The following SYN3 variants were observed in gnomAD, a reference collection of about 807,000 sequenced individuals.
SYN3 encodes the protein synapsin III.
In SYN3, 35 loss-of-function variants were observed where a neutral mutation model predicts 65.8. That is an observed-to-expected ratio of 0.53 (90% CI 0.41 to 0.70). The LOEUF (loss-of-function observed/expected upper bound fraction) is 0.70. Among genes scored for constraint, SYN3 ranks in the 30% least tolerant of loss-of-function variants. The probability of loss-of-function intolerance (pLI) is 0.00; values close to 1 mark genes in which losing one functional copy is unlikely to be tolerated. For missense variants in SYN3, 680 were observed against 749.0 expected, an observed-to-expected ratio of 0.91 and a Z score of 1.08; for synonymous variants, 270 against 292.9, an observed-to-expected ratio of 0.92 and a Z score of 0.80.
chr22:32,675,028 C>T (rs1418017072), intron 6 of SYN3, among the ~76,000 whole-genome samples: 3 of 152,182 alleles, frequency 2.0e-5, no homozygotes. Context: ...AAAGACTGAA[C>T]AAAGTTCTGT....
chr22:32,881,888 T>C (rs565013953), intron 4 of SYN3, among the ~76,000 whole-genome samples: 2 of 152,062 alleles, frequency 1.3e-5, no homozygotes, highest in Admixed American at 1.3e-4. Context: ...AAACCCCGTC[T>C]CTACTAAAAA....
chr22:32,876,128 G>A (rs2048974810), intron 4 of SYN3, among the ~76,000 whole-genome samples: 1 of 152,118 alleles, frequency 6.6e-6, no homozygotes, highest in Non-Finnish European at 1.5e-5. Context: ...TGGAGGCTGG[G>A]AAGTCCAATA....
At chr22:32,703,535 G>T (rs1295486045) in intron 6 of SYN3, among the ~76,000 whole-genome samples, 4 of 151,990 alleles carry the variant, frequency 2.6e-5, no homozygotes, top group Non-Finnish European at 5.9e-5. Context: ...TACTCGGGAG[G>T]CTGAGGCAGA....
intron 1 of SYN3, among the ~76,000 whole-genome samples, chr22:33,033,898 C>A (rs1001700428): frequency 1.3e-5 from 2 of 152,040 alleles, no homozygotes; most frequent in African/African-American, 2.4e-5. Flanking sequence ...AAAACCATCA[C>A]AATTAGCCAG....
chr22:32,958,601 T>C (rs2051542037), intron 3 of SYN3, among the ~76,000 whole-genome samples: 1 of 152,240 alleles, frequency 6.6e-6, no homozygotes, highest in Non-Finnish European at 1.5e-5. Context: ...TTGTTTTTTG[T>C]TTTTGTTTTA....
At chr22:32,539,377 A>T (rs1033425820) in intron 8 of SYN3, among the ~76,000 whole-genome samples, 2 of 152,156 alleles carry the variant, frequency 1.3e-5, no homozygotes, top group Non-Finnish European at 2.9e-5. Flanking sequence ...GAAGTTATAG[A>T]TTAGCAATCA....
intron 3 of SYN3, among the ~76,000 whole-genome samples, chr22:32,941,593 C>T (rs1206876235): frequency 2.0e-5 from 3 of 150,738 alleles, no homozygotes; most frequent in Admixed American, 6.6e-5. Flanking sequence ...GTGTGTCGGA[C>T]AGTGGGGGCA....
chr22:32,676,503 C>T (rs2060443510), intron 6 of SYN3, among the ~76,000 whole-genome samples: 1 of 150,194 alleles, frequency 6.7e-6, no homozygotes, highest in South Asian at 2.1e-4. Context: ...ATAACAGCTT[C>T]CATTTTCTTT....
chr22:32,672,818 G>A lies in SYN3; in HGVS notation c.712-76082C>T, dbSNP rs902114862. ...CCCCTTGGCCTTGGTCAAGAAGACA[G>A]ACCCAGGCCCCTCCCTGGGAATTCT... On this transcript the variant is annotated intron_variant, in intron 6 of 13. Coordinates refer to ENST00000358763, the MANE Select transcript of SYN3 (RefSeq NM_003490.4). Among the ~76,000 whole-genome samples the A allele has an allele frequency of 1.5e-4, 23 of 152,336 alleles. No individual in the cohort carries two copies. In the East Asian group the frequency reaches 4.3e-3, roughly 28 times the overall value.
chr22:32,522,588 C>T (rs1374828147), intron 12 of SYN3, among the ~76,000 whole-genome samples: 3 of 152,096 alleles, frequency 2.0e-5, no homozygotes, highest in African/African-American at 7.2e-5. Flanking sequence ...GCATTAGTTA[C>T]AAGGATTGTT....
At chr22:32,714,135 GCCAA>G (rs923081832) in intron 6 of SYN3, among the ~76,000 whole-genome samples, 2 of 152,150 alleles carry the variant, frequency 1.3e-5, no homozygotes, top group Non-Finnish European at 2.9e-5. Context: ...TGGAAAAGTG[GCCAA>G]GCCTCAGTTG....
chr22:33,055,575 G>A (rs73393657), intron 1 of SYN3, among the ~76,000 whole-genome samples: 3,264 of 152,266 alleles, frequency 0.021, 79 homozygotes, highest in East Asian at 0.075. Context: ...ATGAAGCAAT[G>A]TATGATCCCC....
At chr22:32,822,926 C>A (rs717625) in intron 6 of SYN3, among the ~76,000 whole-genome samples, 4 of 130,194 alleles carry the variant, frequency 3.1e-5, no homozygotes, top group Non-Finnish European at 1.7e-5. Context: ...ACAACAACAA[C>A]AACAAAAAAA....
At position 32,986,157 on chromosome 22, in the gene SYN3, G is replaced by A. The variant is rs537134625; in HGVS notation, c.312-5455C>T. On this transcript the variant is annotated intron_variant, in intron 2 of 13. Transcript: ENST00000358763. ...CAGGCTTAACAAATGTTCGCTGACC[G>A]GGTAAGGAAATACTGTCTGTAGGCC... 7.2e-5 allele frequency among the ~76,000 whole-genome samples: 11 copies of A among 152,110 alleles called. No individual in the cohort carries two copies. In the South Asian group the frequency reaches 8.3e-4, roughly 12 times the overall value.
At chr22:32,583,303 A>C (rs2058976113) in intron 7 of SYN3, 1 of 152,234 alleles carries the variant, frequency 6.6e-6, no homozygotes, top group Non-Finnish European at 1.5e-5. Flanking sequence ...GCTATTTCCA[A>C]GATTCCAGAG....
At chr22:32,514,029 G>A (rs561725673) in intron 13 of SYN3, among the ~76,000 whole-genome samples, 1 of 152,232 alleles carries the variant, frequency 6.6e-6, no homozygotes, top group African/African-American at 2.4e-5. Flanking sequence ...CATTTCTTAG[G>A]TTCAGAAATA....
chr22:32,580,477 A>C (rs973574706), intron 7 of SYN3, among the ~76,000 whole-genome samples: 3 of 152,154 alleles, frequency 2.0e-5, no homozygotes, highest in Admixed American at 6.5e-5. Context: ...ACTGTGCCTA[A>C]ATTTATAAAT....
At chr22:33,026,804 C>T (rs960131126) in intron 1 of SYN3, among the ~76,000 whole-genome samples, 1 of 152,204 alleles carries the variant, frequency 6.6e-6, no homozygotes, top group Non-Finnish European at 1.5e-5. Flanking sequence ...CTCCCTCAAT[C>T]CCTGACAAAG....
At chr22:32,880,228 C>T (rs1241491745) in intron 4 of SYN3, among the ~76,000 whole-genome samples, 1 of 152,176 alleles carries the variant, frequency 6.6e-6, no homozygotes, top group Non-Finnish European at 1.5e-5. Flanking sequence ...AGCATCCTCA[C>T]CCCAAACCCC....
Sources: gnomAD v4.1 joint callset for allele counts (sites outside exome capture counted in the v4.1 genomes callset) on GRCh38, gnomAD v4.1.1 for gene constraint, MANE v1.5 for transcripts, NCBI Gene and HGNC (gene_info 2026-07-23, HGNC 2026-07-21) for gene names.